NCOR1: variants seen among roughly 807,000 people sequenced by gnomAD.
The protein encoded by NCOR1 is nuclear receptor corepressor 1.
In NCOR1, 63 loss-of-function variants were observed where a neutral mutation model predicts 288.1. The observed-to-expected ratio is 0.22, with a 90% CI of 0.18 to 0.27. NCOR1 has a LOEUF of 0.27. NCOR1 is among the 10% of genes least tolerant of loss of function. The pLI, the probability that NCOR1 is intolerant of heterozygous loss-of-function variation, is 1.00. For missense variants in NCOR1, 2,397 were observed against 3,019.2 expected, an observed-to-expected ratio of 0.79 and a Z score of 4.83; for synonymous variants, 1,007 against 1,065.9, an observed-to-expected ratio of 0.94 and a Z score of 1.08.
chr17:16,134,145 TAC>T (rs1267342638), intron 14 of NCOR1, among the ~76,000 whole-genome samples: 6 of 152,204 alleles, frequency 3.9e-5, no homozygotes, highest in African/African-American at 9.6e-5. Context: ...CCTTCAGTTT[TAC>T]ACAGAGAGCC....
At chr17:16,105,897 C>A (rs899898692) in intron 19 of NCOR1, among the ~76,000 whole-genome samples, 1 of 152,078 alleles carries the variant, frequency 6.6e-6, no homozygotes, top group Non-Finnish European at 1.5e-5. Context: ...GTCAGGAGTT[C>A]GAGACAAGCC....
At chr17:16,196,650 C>G (rs777136417) in intron 1 of NCOR1, among the ~76,000 whole-genome samples, 99 of 151,910 alleles carry the variant, frequency 6.5e-4, no homozygotes, top group Non-Finnish European at 1.2e-4. Context: ...GCGGTGAAAC[C>G]CTGTCTCTAC....
chr17:16,146,308 T>G (rs897194413), intron 10 of NCOR1, 68 bp downstream of exon 10: 4 of 1,459,936 alleles, frequency 2.7e-6, no homozygotes, highest in Admixed American at 2.2e-5. Context: ...CTAAAAAAAT[T>G]TTTAAAAAAA....
chr17:16,087,595 A>G (rs1236834832), intron 22 of NCOR1, among the ~76,000 whole-genome samples: 1 of 152,236 alleles, frequency 6.6e-6, no homozygotes, highest in Non-Finnish European at 1.5e-5. Context: ...CTTAAGGAGA[A>G]TCAAGTGTTT....
At chr17:16,192,082 A>G (rs1600278093) in intron 2 of NCOR1, 1 of 151,610 alleles carries the variant, frequency 6.6e-6, no homozygotes, top group Non-Finnish European at 1.5e-5. Context: ...TGTGCTGACC[A>G]GTAGTGGGAA....
At position 16,127,345 on chromosome 17, in the gene NCOR1, GTATATA is replaced by G. The variant is rs1287236889; in HGVS notation, c.1510-1145_1510-1140del. On this transcript the variant is annotated intron_variant, in intron 14 of 45. Coordinates refer to ENST00000268712, the MANE Select transcript of NCOR1 (RefSeq NM_006311.4). ...TATATGTATGTATATATACATGTAT[GTATATA>G]TGTATGTATATATACATGTATGTAT... 4.5e-5 allele frequency among the ~76,000 whole-genome samples: 4 copies of G among 88,612 alleles called. 1 individual carries two copies. The highest frequency in any genetic ancestry group is 3.2e-4 in the South Asian group (1 of 3,118). 58.1% of individuals were successfully genotyped at this position (88,612 alleles called of 152,430 possible). A position where few individuals can be genotyped will look rare whatever the true frequency, so the allele number is the denominator to read the frequency against.
chr17:16,192,854 T>G (rs1438664159), intron 2 of NCOR1, among the ~76,000 whole-genome samples: 2 of 152,086 alleles, frequency 1.3e-5, no homozygotes, highest in Admixed American at 1.3e-4. Context: ...ATACCCATAC[T>G]CAACAATAAA....
chr17:16,071,708 T>G, intron 29 of NCOR1, 43 bp from the exon 30 acceptor site: 2 of 1,554,432 alleles, frequency 1.3e-6, no homozygotes, highest in African/African-American at 2.7e-5. Context: ...TGCTGATGGT[T>G]GCACAACAAT....
chr17:16,099,388 G>A (rs1171361717), intron 20 of NCOR1, among the ~76,000 whole-genome samples: 1 of 152,072 alleles, frequency 6.6e-6, no homozygotes, highest in East Asian at 1.9e-4. Flanking sequence ...AAATCAGAAT[G>A]TATTTAAAAA....
intron 9 of NCOR1, among the ~76,000 whole-genome samples, chr17:16,149,150 A>C (rs1023511131): frequency 6.6e-6 from 1 of 151,982 alleles, no homozygotes; most frequent in African/African-American, 2.4e-5. Flanking sequence ...AAGAAACTAA[A>C]TTATCTTTCA....
intron 6 of NCOR1, among the ~76,000 whole-genome samples, chr17:16,158,127 C>G (rs1463494623): frequency 6.6e-6 from 1 of 152,128 alleles, no homozygotes; most frequent in Non-Finnish European, 1.5e-5. Context: ...GCATGCGCCA[C>G]CACGCCTGGC....
Position 16,032,260 on chromosome 17 carries a change from C to A in NCOR1, c.*36G>T, listed in dbSNP as rs112840784. The A allele has an allele frequency of 6.5e-7, 1 of 1,536,514 alleles. No homozygotes were observed. The highest frequency in any genetic ancestry group is 2.5e-5 in the East Asian group (1 of 40,284). ...AATTAAACCACAAAAACTAGAGATC[C>A]CTCTCCTGCACCCTGTTCCCCTCAC... On this transcript the variant is annotated 3_prime_UTR_variant, in exon 46 of 46. Coordinates refer to ENST00000268712, the MANE Select transcript of NCOR1 (RefSeq NM_006311.4).
At chr17:16,169,652 T>C (rs2082735072) in intron 4 of NCOR1, among the ~76,000 whole-genome samples, 1 of 152,176 alleles carries the variant, frequency 6.6e-6, no homozygotes, top group African/African-American at 2.4e-5. Context: ...CCTAGGTCAC[T>C]TAATTTTTCT....
At chr17:16,065,765 C>G in intron 32 of NCOR1, 71 bp from the exon 33 acceptor site, 1 of 1,368,524 alleles carries the variant, frequency 7.3e-7, no homozygotes, top group South Asian at 1.2e-5. Flanking sequence ...ACACCACGTA[C>G]AAAAGAGTAG....
chr17:16,196,059 G>A (rs557480984), intron 1 of NCOR1, among the ~76,000 whole-genome samples: 1 of 150,406 alleles, frequency 6.6e-6, no homozygotes, highest in Non-Finnish European at 1.5e-5. Flanking sequence ...CTTACTTTAA[G>A]ACAGGAGTTC....
Position 16,061,872 on chromosome 17 carries a change from A to G in NCOR1, c.5410T>C (p.Ser1804Pro). ...GAGGCTGGCAGGCCTTGGCTTATTGAAGGGCCCCCAGCAGGCAGTGGCCTG... is the reference window on the plus strand; with the variant it reads ...GAGGCTGGCAGGCCTTGGCTTATTGGAGGGCCCCCAGCAGGCAGTGGCCTG... Reference protein sequence around the residue: ...RIMPLPAGGPSISQGLPASRY... With the variant: ...RIMPLPAGGPPISQGLPASRY... Residue 1804 changes from serine to proline, a missense_variant, in exon 37 of 46, where the codon TCA (serine) becomes CCA (proline). This residue lies in a region of NCOR1 where 1,872 missense variants were observed against 2,187.8 expected (regional missense o/e 0.86). Transcript: ENST00000268712. The G allele has an allele frequency of 6.2e-7, 1 of 1,611,224 alleles. No individual in the cohort carries two copies. The highest frequency in any genetic ancestry group is 8.5e-7 in the Non-Finnish European group (1 of 1,178,198).
chr17:16,125,132 G>C (rs2073786279), intron 15 of NCOR1, among the ~76,000 whole-genome samples: 1 of 152,222 alleles, frequency 6.6e-6, no homozygotes. Flanking sequence ...GGGAGGCTGA[G>C]GCAGCTGGAC....
chr17:16,196,155 T>C (rs1410250746), intron 1 of NCOR1, among the ~76,000 whole-genome samples: 1 of 149,216 alleles, frequency 6.7e-6, no homozygotes, highest in Non-Finnish European at 1.5e-5. Flanking sequence ...ATATAACATA[T>C]ATAATTTTAT....
At chr17:16,144,646 A>AT (rs2077597749) in intron 10 of NCOR1, among the ~76,000 whole-genome samples, 1 of 151,624 alleles carries the variant, frequency 6.6e-6, no homozygotes, top group Non-Finnish European at 1.5e-5. Flanking sequence ...TGTTCCCCCT[A>AT]TGTGTCCACA....
Sources: allele counts gnomAD v4.1 joint callset (sites outside exome capture counted in the v4.1 genomes callset), GRCh38; gene constraint gnomAD v4.1.1; regional missense constraint gnomAD v4.1.1; transcripts MANE v1.5; gene names NCBI Gene and HGNC (gene_info 2026-07-23, HGNC 2026-07-21).